Variants in STOX1 observed in about 807,000 individuals in gnomAD.
The protein encoded by STOX1 is storkhead-box protein 1.
Under a neutral mutation model 74.8 loss-of-function variants are expected in STOX1, and 57 were observed. That is an observed-to-expected ratio of 0.76 (90% confidence interval 0.62 to 0.95). STOX1 has a LOEUF of 0.95. Ranked by LOEUF, STOX1 falls within the 40% of genes least tolerant of loss-of-function variation. The pLI, the probability that STOX1 is intolerant of heterozygous loss-of-function variation, is 0.00. For synonymous variants in STOX1, 375 were observed against 401.3 expected, an observed-to-expected ratio of 0.93 and a Z score of 0.78; for missense variants, 1,010 against 1,117.0, an observed-to-expected ratio of 0.90 and a Z score of 1.37.
rs1840174629 is a variant in STOX1 at position 68,858,252 on chromosome 10, G to A, written c.311-23706G>A. ...GGCCAGCTCCTAGAAGCAGAAGTCG[G>A]GTGACCCTCCCACGTAGAGATCAGA... On this transcript the variant is annotated intron_variant, in intron 1 of 3. Transcript: ENST00000298596. Among the ~76,000 whole-genome samples the A allele has an allele frequency of 1.3e-5, 2 of 151,984 alleles. 1 individual carries two copies. Among genetic ancestry groups the A allele is most frequent in the South Asian group, 4.1e-4 (2 of 4,826 alleles).
chr10:68,858,345 A>G (rs1161114751), intron 1 of STOX1, among the ~76,000 whole-genome samples: 5 of 152,106 alleles, frequency 3.3e-5, no homozygotes. Flanking sequence ...TTTCTAAGGC[A>G]ATGGCCTTGT....
intron 1 of STOX1, among the ~76,000 whole-genome samples, chr10:68,871,682 A>G (rs1840538510): frequency 6.6e-6 from 1 of 152,184 alleles, no homozygotes; most frequent in African/African-American, 2.4e-5. Flanking sequence ...AAGTTTTTGC[A>G]TTCTTTTACT....
chr10:68,828,322 AGCTCCGCGCT>A (rs1839318526), intron 1 of STOX1: 1 of 1,095,566 alleles, frequency 9.1e-7, no homozygotes, highest in Admixed American at 4.9e-5. Flanking sequence ...GTGAGCGCGG[AGCTCCGCGCT>A]GCAGGGGCGA....
rs1307525237 is a variant in STOX1, at chr10:68,886,039, T to TA, written c.2244dup (p.Arg749ThrfsTer28). 10 of 1,614,102 alleles carry TA rather than the reference T, an allele frequency of 6.2e-6. No individual in the cohort carries two copies. Among genetic ancestry groups the TA allele is most frequent in the African/African-American group, 1.3e-5 (1 of 74,930 alleles). On this transcript the variant is annotated frameshift_variant, in exon 3 of 4. Coordinates refer to ENST00000298596, the MANE Select transcript of STOX1 (RefSeq NM_152709.5). LOFTEE classifies it high-confidence loss of function. ...GATGACATTTCTGAGAATGACGACT[T>TA]ACGTCAAATGCTGCCTGGCCACAGT...
chr10:68,869,009 C>T (rs1840472571), intron 1 of STOX1, among the ~76,000 whole-genome samples: 1 of 152,222 alleles, frequency 6.6e-6, no homozygotes, highest in South Asian at 2.1e-4. Flanking sequence ...CCAGGTCTAC[C>T]TGACCAACTC....
chr10:68,886,096 A>G lies in STOX1; in HGVS notation c.2300A>G (p.Asn767Ser), dbSNP rs2131998946. 3 of 1,614,100 alleles carry G rather than the reference A, an allele frequency of 1.9e-6. No individual in the cohort carries two copies. The highest frequency in any genetic ancestry group is 4.5e-5 in the East Asian group (2 of 44,904). The change falls in exon 3 of 4, where the codon AAT becomes AGT. Residue 767 changes from asparagine to serine, a missense_variant. Coordinates refer to ENST00000298596, the MANE Select transcript of STOX1 (RefSeq NM_152709.5). ...QYSFTGGSQGNHLGKQKVIER... is the reference protein window; with the variant it reads ...QYSFTGGSQGSHLGKQKVIER... ...TCCTTCACAGGTGGAAGCCAGGGAA[A>G]TCATTTAGGAAAACAAAAAGTGATT...
At chr10:68,850,485 C>G (rs1292000422) in intron 1 of STOX1, among the ~76,000 whole-genome samples, 1 of 152,214 alleles carries the variant, frequency 6.6e-6, no homozygotes, top group Non-Finnish European at 1.5e-5. Flanking sequence ...GCACAAAGTG[C>G]ATAAAATAGT....
downstream of STOX1, among the ~76,000 whole-genome samples, chr10:68,893,302 G>A (rs1437683695): frequency 6.6e-6 from 1 of 152,170 alleles, no homozygotes; most frequent in Non-Finnish European, 1.5e-5. Context: ...GCTGCCCAGG[G>A]GCTTCTCTTT....
intron 1 of STOX1, among the ~76,000 whole-genome samples, chr10:68,874,456 G>A (rs114444348): frequency 6.6e-6 from 1 of 151,998 alleles, no homozygotes; most frequent in Non-Finnish European, 1.5e-5. Context: ...ATGTACCTAC[G>A]ATCTGTAAGC....
intron 1 of STOX1, among the ~76,000 whole-genome samples, chr10:68,881,739 T>C (rs1840817095): frequency 6.8e-6 from 1 of 146,610 alleles, no homozygotes; most frequent in African/African-American, 2.7e-5. Context: ...GTAGAGACAG[T>C]TAATACACAT....
chr10:68,839,804 C>T (rs1281989150), intron 1 of STOX1, among the ~76,000 whole-genome samples: 1 of 152,086 alleles, frequency 6.6e-6, no homozygotes. Context: ...GCAGGAGATT[C>T]GCTTGAACCC....
chr10:68,846,401 C>T (rs1163170), intron 1 of STOX1, among the ~76,000 whole-genome samples: 61,690 of 151,904 alleles, frequency 0.41, 13,123 homozygotes, highest in East Asian at 0.6. Flanking sequence ...CCACCTGCCC[C>T]GGCCCCCCAA....
At chr10:68,850,146 C>G (rs772505196) in intron 1 of STOX1, among the ~76,000 whole-genome samples, 78 of 152,166 alleles carry the variant, frequency 5.1e-4, no homozygotes, top group Non-Finnish European at 1.8e-4. Flanking sequence ...TCCTGAGTAG[C>G]TGGGACTACA....
chr10:68,889,603 G>A lies in STOX1; in HGVS notation c.2822+2985G>A, dbSNP rs111908521. ...TTTTGAGATGTAGTCTTGCTCTGTC[G>A]CCCAGGCTGGAGTGCAGTGGTGCGA... On this transcript the variant is annotated intron_variant, in intron 3 of 3. Coordinates refer to ENST00000298596, the MANE Select transcript of STOX1 (RefSeq NM_152709.5). 5.9e-5 allele frequency among the ~76,000 whole-genome samples: 9 copies of A among 152,214 alleles called. 1 individual carries two copies. The highest frequency in any genetic ancestry group is 1.7e-4 in the African/African-American group (7 of 41,538).
intron 1 of STOX1, among the ~76,000 whole-genome samples, chr10:68,867,316 G>A (rs950999072): frequency 2.0e-5 from 3 of 152,192 alleles, no homozygotes; most frequent in Non-Finnish European, 4.4e-5. Context: ...TAAACTCTTC[G>A]AGTAATTTAG....
chr10:68,864,596 T>G (rs1471347062), intron 1 of STOX1, among the ~76,000 whole-genome samples: 1 of 152,122 alleles, frequency 6.6e-6, no homozygotes, highest in Non-Finnish European at 1.5e-5. Context: ...AAATAAGGAG[T>G]CAAAGTCAGT....
At position 68,892,916 on chromosome 10, in the gene STOX1, G is replaced by A. The variant is rs1841131977; in HGVS notation, c.*180G>A. The A allele has an allele frequency of 1.6e-6, 1 of 624,686 alleles. No individual in the cohort carries two copies. 38.7% of individuals were successfully genotyped at this position (624,686 alleles called of 1,614,324 possible). A position where few individuals can be genotyped will look rare whatever the true frequency, so the allele number is the denominator to read the frequency against. On this transcript the variant is annotated 3_prime_UTR_variant, in exon 4 of 4. Coordinates refer to ENST00000298596, the MANE Select transcript of STOX1 (RefSeq NM_152709.5). ...TTTTTTCCTCTTTTGGTGTCTTAAG[G>A]CTTTTTGAAGCTTATTTTACTGTGA...
At chr10:68,848,896 C>T (rs1839915448) in intron 1 of STOX1, among the ~76,000 whole-genome samples, 1 of 152,126 alleles carries the variant, frequency 6.6e-6, no homozygotes, top group African/African-American at 2.4e-5. Flanking sequence ...TCTCAAACTC[C>T]TGGGCTCAAG....
chr10:68,837,128 C>T (rs1839576865), intron 1 of STOX1, among the ~76,000 whole-genome samples: 1 of 152,112 alleles, frequency 6.6e-6, no homozygotes, highest in African/African-American at 2.4e-5. Flanking sequence ...AGCTCATAGT[C>T]TAGGGAGCAG....
Sources: allele counts gnomAD v4.1 joint callset (sites outside exome capture counted in the v4.1 genomes callset), GRCh38; gene constraint gnomAD v4.1.1; transcripts MANE v1.5; gene names NCBI Gene and HGNC (gene_info 2026-07-23, HGNC 2026-07-21).